CIT: variants seen among roughly 807,000 people sequenced by gnomAD.
CIT encodes the protein citron rho-interacting serine/threonine kinase.
CIT carries 79 observed loss-of-function variants against 272.7 expected under a neutral mutation model. The observed-to-expected ratio is 0.29, with a 90% CI of 0.24 to 0.35. CIT has a LOEUF of 0.35. CIT is among the 10% of genes least tolerant of loss of function. The pLI, the probability that CIT is intolerant of heterozygous loss-of-function variation, is 1.00. For synonymous variants in CIT, 948 were observed against 995.6 expected (o/e 0.95, Z 0.90); for missense variants, 1,909 against 2,618.3 (o/e 0.73, Z 5.91).
At chr12:119,786,120 G>A (rs1165719295) in intron 10 of CIT, among the ~76,000 whole-genome samples, 1 of 151,850 alleles carries the variant, frequency 6.6e-6, no homozygotes, top group African/African-American at 2.4e-5. Context: ...GCAACTCTAT[G>A]AGCAGATACG....
At chr12:119,767,300 C>T (rs1962562689) in intron 18 of CIT, 118 bp from the exon 19 acceptor site, 1 of 700,192 alleles carries the variant, frequency 1.4e-6, no homozygotes, top group Non-Finnish European at 2.4e-6. Context: ...GTCATCTGGT[C>T]CTCCATTACT....
intron 9 of CIT, among the ~76,000 whole-genome samples, chr12:119,812,818 C>A (rs974788969): frequency 4.0e-5 from 6 of 151,014 alleles, no homozygotes; most frequent in African/African-American, 1.5e-4. Context: ...CGGCTAGTCT[C>A]ACCCTTCTAC....
At chr12:119,830,419 G>A (rs917083561) in intron 7 of CIT, among the ~76,000 whole-genome samples, 1 of 151,918 alleles carries the variant, frequency 6.6e-6, no homozygotes, top group Non-Finnish European at 1.5e-5. Context: ...CAAGAGCTCC[G>A]AAGAGAATGA....
chr12:119,769,756 TTTTTC>T (rs1380588996), intron 18 of CIT, among the ~76,000 whole-genome samples: 1 of 152,200 alleles, frequency 6.6e-6, no homozygotes, highest in Non-Finnish European at 1.5e-5. Context: ...ATTTAACCCA[TTTTTC>T]TTTTACCTGT....
intron 10 of CIT, among the ~76,000 whole-genome samples, chr12:119,801,878 A>C (rs1183158944): frequency 2.0e-5 from 3 of 152,162 alleles, no homozygotes; most frequent in Non-Finnish European, 4.4e-5. Context: ...TCCAACCTGA[A>C]TTTGAAACCC....
chr12:119,869,656 C>T (rs964177053), intron 2 of CIT, among the ~76,000 whole-genome samples: 1 of 152,012 alleles, frequency 6.6e-6, no homozygotes, highest in Non-Finnish European at 1.5e-5. Context: ...ACTGAGTGAC[C>T]ATCGTAAAGC....
In CIT at chr12:119,718,211, G is replaced by A. The variant is rs1457254129; in HGVS notation, c.4168+34C>T. 5.1e-6 allele frequency: 8 copies of A among 1,580,552 alleles called. No individual in the cohort carries two copies. The highest frequency in any genetic ancestry group is 2.3e-5 in the East Asian group (1 of 44,370). On this transcript the variant is annotated intron_variant, in intron 32 of 47. Transcript: ENST00000392521. This position sits in a 1 kb window ranked among gnomAD's most constrained non-coding sequence, Gnocchi z 4.8. ...TACCATATGCCCACATGTCTTAGTC[G>A]ACTAAAAGAAATTTCCATACAACTC... is the stretch of plus-strand genomic sequence containing the variant.
At chr12:119,693,486 C>G (rs1166879363) in intron 46 of CIT, among the ~76,000 whole-genome samples, 1 of 152,192 alleles carries the variant, frequency 6.6e-6, no homozygotes, top group Non-Finnish European at 1.5e-5. Context: ...GTAAGCAACT[C>G]CTTTGAGAGA....
chr12:119,705,025 A>G (rs895118571), intron 40 of CIT, among the ~76,000 whole-genome samples: 3 of 151,908 alleles, frequency 2.0e-5, no homozygotes, highest in African/African-American at 4.8e-5. Flanking sequence ...CCATTCTCCC[A>G]CCTCAGCCTC....
intron 44 of CIT, among the ~76,000 whole-genome samples, chr12:119,698,699 C>T (rs1377776007): frequency 1.3e-5 from 2 of 152,086 alleles, no homozygotes; most frequent in Non-Finnish European, 2.9e-5. Context: ...AGGTACACTG[C>T]TCAGTGCAAA....
rs140926215 is a variant in CIT at position 119,849,252 on chromosome 12, C to T, written c.516+922G>A. Among the ~76,000 whole-genome samples, 264 of 152,250 alleles carry T rather than the reference C, an allele frequency of 1.7e-3. 2 individuals carry two copies. The highest frequency in any genetic ancestry group is 6.1e-3 in the African/African-American group (252 of 41,544). ...GGCCAGCCCGGCCAACGTGGTAAAA[C>T]CCCATCTCTACTAAAAATACAAAAA... On this transcript the variant is annotated intron_variant, in intron 5 of 47. Transcript: ENST00000392521.
chr12:119,807,541 G>A lies in CIT; in HGVS notation c.1112-4152C>T, dbSNP rs185217682. Reference sequence around the variant, plus strand: ...TGATCTTGAGTCTATGTTGATGGAGGTACACATGGCACCTCAGTACACAGC... The same window carrying A: ...TGATCTTGAGTCTATGTTGATGGAGATACACATGGCACCTCAGTACACAGC... On this transcript the variant is annotated intron_variant, in intron 9 of 47. Transcript: ENST00000392521. Among the ~76,000 whole-genome samples, 435 of 152,082 alleles carry A rather than the reference G, an allele frequency of 2.9e-3. 1 individual carries two copies. Among genetic ancestry groups the A allele is most frequent in the African/African-American group, 1.0e-2 (414 of 41,486 alleles).
intron 37 of CIT, chr12:119,711,059 G>A: frequency 7.3e-7 from 1 of 1,367,106 alleles, no homozygotes; most frequent in Middle Eastern, 2.1e-4. Context: ...CTGAACCCAG[G>A]CAGGCAGAAG....
rs796819723 is a variant in CIT, at chr12:119,768,686, C to T, written c.2209-1504G>A. The stretch of plus-strand genomic sequence containing the variant: ...GTGATCTTGAAGAGTTGAAAATAAA[C>T]AGGATTAATAAAAACATATTTTAAA... On this transcript the variant is annotated intron_variant, in intron 18 of 47. Coordinates refer to ENST00000392521, the MANE Select transcript of CIT (RefSeq NM_001206999.2). The surrounding 1 kb of genome is among the most constrained non-coding windows in gnomAD (Gnocchi z 4.3). Among the ~76,000 whole-genome samples the T allele has an allele frequency of 1.2e-4, 18 of 152,296 alleles. No homozygotes were observed. The highest frequency in any genetic ancestry group is 4.1e-4 in the African/African-American group (17 of 41,558).
chr12:119,837,022 C>A (rs1427997125), intron 5 of CIT, among the ~76,000 whole-genome samples: 1 of 152,174 alleles, frequency 6.6e-6, no homozygotes, highest in Non-Finnish European at 1.5e-5. Context: ...AAACAAGCAA[C>A]AAAAATTACA....
rs772769942 is a variant in CIT at position 119,704,407 on chromosome 12, T to C, written c.5260A>G (p.Ile1754Val). The part of the protein sequence containing the change: ...ICAAMPSKVV[I>V]LRYNENLSKY... ...CTGAGGTTTTCGTTGTAGCGGAGAA[T>C]GACGACTTTGCTGGGCATGGCTGCA... Residue 1754 changes from isoleucine (I) to valine (V), a missense_variant, in exon 41 of 48, where the codon ATT (isoleucine) becomes GTT (valine). Ile to Val is a conservative substitution (Grantham distance 29). This residue lies in a region of CIT where 780 missense variants were observed against 1,067.2 expected (regional missense o/e 0.73). Transcript: ENST00000392521. 1.2e-5 allele frequency: 20 copies of C among 1,613,984 alleles called. No homozygotes were observed. The highest frequency in any genetic ancestry group is 2.2e-5 in the South Asian group (2 of 91,072).
chr12:119,852,314 TGA>T, intron 4 of CIT, among the ~76,000 whole-genome samples: 1 of 152,276 alleles, frequency 6.6e-6, no homozygotes, highest in East Asian at 1.9e-4. Context: ...GTCAAGGTCA[TGA>T]GAGTCCAGGA....
rs6144898 is a variant in CIT at position 119,750,748 on chromosome 12, TATAGATAGATAGATAGATAG to T, written c.2904+1282_2904+1301del. Among the ~76,000 whole-genome samples the T allele has an allele frequency of 6.5e-3, 958 of 147,978 alleles. 4 individuals are homozygous for T. The highest frequency in any genetic ancestry group is 9.4e-3 in the Non-Finnish European group (633 of 67,368). On this transcript the variant is annotated intron_variant, in intron 23 of 47. Transcript: ENST00000392521. ...TGAAACTACGTTAAATATATATAGA[TATAGATAGATAGATAGATAG>T]ATAGATAGATAGATAGATAGATAGA...
At chr12:119,839,397 C>G (rs1035810939) in intron 5 of CIT, among the ~76,000 whole-genome samples, 3 of 152,190 alleles carry the variant, frequency 2.0e-5, no homozygotes, top group Non-Finnish European at 4.4e-5. Flanking sequence ...AATGTTTGCA[C>G]GCTCAGCACA....
Sources: gnomAD v4.1 joint callset for allele counts (sites outside exome capture counted in the v4.1 genomes callset) on GRCh38, gnomAD v4.1.1 for gene constraint, gnomAD v4.1.1 regional missense constraint, Gnocchi (gnomAD v3.1) non-coding constraint, MANE v1.5 for transcripts, NCBI Gene and HGNC (gene_info 2026-07-23, HGNC 2026-07-21) for gene names.